The following SNX1 variants were observed in gnomAD, a reference collection of about 807,000 sequenced individuals.
SNX1 encodes the protein sorting nexin 1, also known as sorting nexin-1.
A neutral mutation model predicts 71.8 loss-of-function variants in SNX1; 36 were observed. The observed-to-expected ratio is 0.50, with a 90% CI of 0.38 to 0.66. The LOEUF is 0.66. SNX1 is among the 30% of genes least tolerant of loss of function. SNX1 has a pLI of 0.00. For synonymous variants in SNX1, 254 were observed against 240.7 expected (o/e 1.06, Z -0.51); for missense variants, 612 against 646.7 (o/e 0.95, Z 0.58).
intron 1 of SNX1, among the ~76,000 whole-genome samples, chr15:64,099,190 T>C (rs954396635): frequency 6.6e-6 from 1 of 152,216 alleles, no homozygotes; most frequent in Non-Finnish European, 1.5e-5. Context: ...GCTCTATGGC[T>C]GGCTAGCTTA....
intron 5 of SNX1, among the ~76,000 whole-genome samples, chr15:64,125,207 A>C (rs985462295): frequency 2.6e-5 from 4 of 152,198 alleles, no homozygotes; most frequent in African/African-American, 9.7e-5. Context: ...TCACGCCTGT[A>C]ATCCCAGCAC....
chr15:64,109,707 C>G (rs1388218776), intron 1 of SNX1, among the ~76,000 whole-genome samples: 3 of 152,014 alleles, frequency 2.0e-5, no homozygotes, highest in Admixed American at 1.3e-4. Context: ...AGGGTTTCAC[C>G]ATGTTGGCCA....
intron 1 of SNX1, among the ~76,000 whole-genome samples, chr15:64,104,262 G>A (rs1333855223): frequency 6.9e-6 from 1 of 144,346 alleles, no homozygotes; most frequent in Non-Finnish European, 1.5e-5. Context: ...CACCAGTTTT[G>A]GAGTAAAGGG....
chr15:64,138,323 CTCTT>C lies in SNX1; in HGVS notation c.*707_*710del, dbSNP rs1452632177. On this transcript the variant is annotated 3_prime_UTR_variant, in exon 15 of 15. Coordinates refer to ENST00000559844, the MANE Select transcript of SNX1 (RefSeq NM_003099.5). ...CAAAGGAGGCAGAGACTTTCTCTCT[CTCTT>C]TTTTTTTTTTTTTTGGTGTCCCTAT... The C allele has an allele frequency of 7.2e-5, 50 of 694,086 alleles. No homozygotes were observed. The highest frequency in any genetic ancestry group is 4.4e-4 in the Middle Eastern group (1 of 2,290). The allele number at this position is 694,086 out of a possible 1,614,324, so 43.0% of individuals were successfully genotyped here. A position where few individuals can be genotyped will look rare whatever the true frequency, so the allele number is the denominator to read the frequency against.
At chr15:64,103,182 T>C (rs1337047450) in intron 1 of SNX1, among the ~76,000 whole-genome samples, 1 of 152,222 alleles carries the variant, frequency 6.6e-6, no homozygotes, top group African/African-American at 2.4e-5. Context: ...GAAATATATA[T>C]GCTTTGATAT....
intron 13 of SNX1, 56 bp from the exon 14 acceptor site, chr15:64,136,805 T>C: frequency 7.6e-7 from 1 of 1,317,602 alleles, no homozygotes; most frequent in African/African-American, 1.4e-5. Flanking sequence ...AACACCACCA[T>C]CCCATCGAAA....
intron 14 of SNX1, among the ~76,000 whole-genome samples, chr15:64,137,220 A>G (rs2081368252): frequency 6.6e-6 from 1 of 152,214 alleles, no homozygotes; most frequent in South Asian, 2.1e-4. Context: ...ACCCCATGGT[A>G]CCACCTGGCC....
intron 5 of SNX1, 127 bp downstream of exon 5, chr15:64,123,673 T>C: frequency 2.6e-6 from 2 of 769,272 alleles, no homozygotes; most frequent in Non-Finnish European, 4.4e-6. Context: ...TTACTCAAGA[T>C]AGAGCAAGCC....
chr15:64,106,711 A>G (rs2081025873), intron 1 of SNX1, among the ~76,000 whole-genome samples: 1 of 152,196 alleles, frequency 6.6e-6, no homozygotes, highest in Non-Finnish European at 1.5e-5. Flanking sequence ...TATGGAAGAG[A>G]CGCAAAGAGA....
In SNX1 at chr15:64,118,189, C is replaced by T. The variant is rs1049501; in HGVS notation, c.344C>T (p.Ser115Phe). 1 of 1,613,732 alleles carries T rather than the reference C, an allele frequency of 6.2e-7. No individual in the cohort carries two copies. The highest frequency in any genetic ancestry group is 1.7e-5 in the Admixed American group (1 of 59,830). Residue 115 changes from serine to phenylalanine, a missense_variant, in exon 3 of 15, where the codon TCT becomes TTT. This residue lies in a region of SNX1 where 316 missense variants were observed against 284.9 expected (regional missense o/e 1.11). Transcript: ENST00000559844. The stretch of plus-strand genomic sequence containing the variant: ...AAGGTGCTAGCCAAAACACTCATTT[C>T]TCTTCCTCCTCAGGAAGCCACAAAT... ...QKKVLAKTLI[S>F]LPPQEATNSS...
chr15:64,118,124 A>G lies in SNX1; in HGVS notation c.279A>G (p.Thr93=). The change falls in exon 3 of 15, where the codon ACA becomes ACG. Residue 93 remains threonine, a synonymous_variant. Transcript: ENST00000559844. ...ATATCAACTTCATTTTAGATGCCACAGTGGAGCTATCCTTGGACAGCACAC... is the reference window on the plus strand; with the variant it reads ...ATATCAACTTCATTTTAGATGCCACGGTGGAGCTATCCTTGGACAGCACAC... ...QEPQDLFADA[T]VELSLDSTQN... is the part of the protein sequence containing the mutation. 1 of 1,611,712 alleles carries G rather than the reference A, an allele frequency of 6.2e-7. No individual in the cohort carries two copies. Among genetic ancestry groups the G allele is most frequent in the Middle Eastern group, 1.7e-4 (1 of 6,010 alleles).
intron 1 of SNX1, among the ~76,000 whole-genome samples, chr15:64,098,355 T>C (rs2080924129): frequency 6.6e-6 from 1 of 152,198 alleles, no homozygotes; most frequent in Admixed American, 6.5e-5. Flanking sequence ...TGTTGATTTA[T>C]TTTCCAAAAA....
chr15:64,131,097 A>G (rs2081302083), intron 10 of SNX1, among the ~76,000 whole-genome samples: 1 of 152,216 alleles, frequency 6.6e-6, no homozygotes, highest in African/African-American at 2.4e-5. Context: ...AGCCTGGCCA[A>G]GATGGTGAAA....
intron 4 of SNX1, among the ~76,000 whole-genome samples, chr15:64,121,693 T>A (rs749659583): frequency 1.3e-5 from 2 of 152,256 alleles, no homozygotes; most frequent in Non-Finnish European, 2.9e-5. Context: ...AAACAGCCCA[T>A]GGATCAGATG....
intron 11 of SNX1, chr15:64,132,524 C>G (rs1000413519): frequency 6.4e-6 from 1 of 155,310 alleles, no homozygotes; most frequent in Non-Finnish European, 1.4e-5. Flanking sequence ...GTGGTTTCCC[C>G]GTGAGCACTC....
chr15:64,117,665 A>C (rs1457908096), intron 2 of SNX1, among the ~76,000 whole-genome samples: 1 of 152,170 alleles, frequency 6.6e-6, no homozygotes, highest in African/African-American at 2.4e-5. Context: ...GGTGGTATGC[A>C]CCTGTAGTAC....
chr15:64,119,740 ACAC>A (rs2081174681), intron 4 of SNX1, among the ~76,000 whole-genome samples: 1 of 149,840 alleles, frequency 6.7e-6, no homozygotes, highest in Non-Finnish European at 1.5e-5. Flanking sequence ...AAAAAAAAAC[ACAC>A]ACACACACAC....
At position 64,142,839 on chromosome 15, in the gene SNX1, C is replaced by A. The variant is rs919596286; in HGVS notation, c.*5221C>A. The A allele has an allele frequency of 1.5e-5, 5 of 344,132 alleles. No homozygotes were observed. In the Admixed American group the frequency reaches 1.5e-4, roughly 10 times the overall value. The allele number at this position is 344,132 out of a possible 1,614,324, so 21.3% of individuals were successfully genotyped here. On this transcript the variant is annotated 3_prime_UTR_variant, in exon 15 of 15. Transcript: ENST00000559844. ...AAGAATTGTCGCCTACACAAAAATACCAGCAACTGTTAACTCTTCCCAGAA... is the reference window on the plus strand; with the variant it reads ...AAGAATTGTCGCCTACACAAAAATAACAGCAACTGTTAACTCTTCCCAGAA...
chr15:64,135,916 C>A (rs1203123384), intron 12 of SNX1, among the ~76,000 whole-genome samples: 1 of 95,582 alleles, frequency 1.0e-5, no homozygotes, highest in Admixed American at 1.0e-4. Context: ...AGCGAGACTC[C>A]ATCTCAAAAA....
Sources: allele counts gnomAD v4.1 joint callset (sites outside exome capture counted in the v4.1 genomes callset), GRCh38; gene constraint gnomAD v4.1.1; regional missense constraint gnomAD v4.1.1; transcripts MANE v1.5; gene names NCBI Gene and HGNC (gene_info 2026-07-23, HGNC 2026-07-21).